SCAPER: variants seen among roughly 807,000 people sequenced by gnomAD.
SCAPER encodes the protein S phase cyclin A-associated protein in the endoplasmic reticulum.
In SCAPER, 98 loss-of-function variants were observed where a neutral mutation model predicts 182.2. The observed-to-expected ratio is 0.54, with a 90% CI of 0.46 to 0.64. SCAPER has a LOEUF of 0.64. Among genes scored for constraint, SCAPER ranks in the 30% least tolerant of loss-of-function variants. The pLI, the probability that SCAPER is intolerant of heterozygous loss-of-function variation, is 0.00. For synonymous variants in SCAPER, 605 were observed against 564.6 expected (o/e 1.07, Z -1.01); for missense variants, 1,432 against 1,690.0 (o/e 0.85, Z 2.68).
chr15:76,445,662 T>C (rs2047947350), intron 25 of SCAPER, among the ~76,000 whole-genome samples: 1 of 152,094 alleles, frequency 6.6e-6, no homozygotes, highest in South Asian at 2.1e-4. Flanking sequence ...CATGAGGGGA[T>C]GGGATAGGGC....
chr15:76,371,849 C>T (rs761082095), intron 29 of SCAPER, among the ~76,000 whole-genome samples: 120 of 151,760 alleles, frequency 7.9e-4, no homozygotes, highest in Middle Eastern at 3.4e-3. Flanking sequence ...ACCCAGGAGG[C>T]GGAGGTTGTG....
chr15:76,834,560 G>A (rs2068770342), intron 5 of SCAPER, among the ~76,000 whole-genome samples: 1 of 152,192 alleles, frequency 6.6e-6, no homozygotes, highest in Non-Finnish European at 1.5e-5. Flanking sequence ...TAATAAGGAA[G>A]AGCTGAACTG....
intron 25 of SCAPER, among the ~76,000 whole-genome samples, chr15:76,448,487 A>AT (rs1233232368): frequency 2.0e-4 from 31 of 152,150 alleles, no homozygotes. Flanking sequence ...AGTTCTGGGC[A>AT]TGCTAAGTTT....
chr15:76,608,422 C>A (rs1237461913), intron 22 of SCAPER, among the ~76,000 whole-genome samples: 2 of 152,200 alleles, frequency 1.3e-5, no homozygotes, highest in African/African-American at 2.4e-5. Context: ...TGTCAATCTG[C>A]CCCTACTGGG....
At chr15:76,472,123 A>T in intron 24 of SCAPER, 1 of 369,866 alleles carries the variant, frequency 2.7e-6, no homozygotes. Flanking sequence ...GCTGAAGGGG[A>T]TGCTACAGGC....
At chr15:76,472,316 T>C (rs2050250382) in intron 24 of SCAPER, 1 of 670,838 alleles carries the variant, frequency 1.5e-6, no homozygotes, top group Non-Finnish European at 2.8e-6. Context: ...AAAATGAAGA[T>C]GCCAAAACAG....
chr15:76,861,860 G>C (rs1043921074), intron 3 of SCAPER: 8 of 152,218 alleles, frequency 5.3e-5, no homozygotes, highest in African/African-American at 1.9e-4. Flanking sequence ...AGCATGGCTG[G>C]GGAGGCCTCA....
intron 20 of SCAPER, among the ~76,000 whole-genome samples, chr15:76,667,735 T>A (rs997971702): frequency 1.3e-5 from 2 of 149,422 alleles, no homozygotes; most frequent in African/African-American, 4.9e-5. Flanking sequence ...GGAGGATCAC[T>A]TGAGGGCAAG....
chr15:76,492,639 G>C (rs1389077560), intron 24 of SCAPER, among the ~76,000 whole-genome samples: 1 of 152,160 alleles, frequency 6.6e-6, no homozygotes, highest in Admixed American at 6.5e-5. Flanking sequence ...GATAAAACTA[G>C]AAGATATTAA....
At chr15:76,799,996 T>C (rs1336837780) in intron 7 of SCAPER, among the ~76,000 whole-genome samples, 1 of 151,516 alleles carries the variant, frequency 6.6e-6, no homozygotes, top group Admixed American at 6.6e-5. Flanking sequence ...ACTCCTCCAG[T>C]GGCAACAGGG....
At chr15:76,505,329 T>G (rs1373549487) in intron 23 of SCAPER, among the ~76,000 whole-genome samples, 1 of 151,828 alleles carries the variant, frequency 6.6e-6, no homozygotes, top group Non-Finnish European at 1.5e-5. Context: ...TGGGAGAAAA[T>G]ATTTACAAAC....
chr15:76,765,000 G>T lies in SCAPER; in HGVS notation c.1686C>A (p.Arg562=). The change falls in exon 14 of 32, where the codon CGC becomes CGA. Residue 562 remains arginine (R), a synonymous_variant. Transcript: ENST00000563290. ...TCTGAAGCTTCAATGTTTTCTCTTCGCGTAACTTTTCCCTTAGCTGCTGTG... is the reference window on the plus strand; with the variant it reads ...TCTGAAGCTTCAATGTTTTCTCTTCTCGTAACTTTTCCCTTAGCTGCTGTG... The part of the protein sequence containing the change: ...MKAQQLREKL[R]EEKTLKLQKL... The T allele has an allele frequency of 6.2e-7, 1 of 1,601,958 alleles. No homozygotes were observed. The highest frequency in any genetic ancestry group is 8.5e-7 in the Non-Finnish European group (1 of 1,174,584).
intron 21 of SCAPER, among the ~76,000 whole-genome samples, chr15:76,641,004 C>T (rs752880895): frequency 7.2e-5 from 11 of 152,210 alleles, no homozygotes; most frequent in South Asian, 4.1e-4. Flanking sequence ...GCATGAGGGG[C>T]GCCTGTCCAT....
At chr15:76,461,962 T>C (rs1282922900) in intron 25 of SCAPER, among the ~76,000 whole-genome samples, 1 of 152,244 alleles carries the variant, frequency 6.6e-6, no homozygotes, top group African/African-American at 2.4e-5. Flanking sequence ...AGCTGAGTTA[T>C]ACGGAGTTGT....
intron 23 of SCAPER, among the ~76,000 whole-genome samples, chr15:76,533,202 T>C (rs973705460): frequency 1.6e-4 from 25 of 152,098 alleles, no homozygotes; most frequent in Non-Finnish European, 1.5e-5. Flanking sequence ...GAAGAGGAAA[T>C]GGCAGGTAGG....
At chr15:76,432,185 G>A (rs190496968) in intron 26 of SCAPER, among the ~76,000 whole-genome samples, 114 of 152,306 alleles carry the variant, frequency 7.5e-4, no homozygotes, top group African/African-American at 2.1e-3. Context: ...AATGACATTC[G>A]TCAGCAGAGA....
At chr15:76,399,675 C>T (rs1389294059) in intron 27 of SCAPER, among the ~76,000 whole-genome samples, 3 of 152,170 alleles carry the variant, frequency 2.0e-5, no homozygotes, top group Admixed American at 2.0e-4. Flanking sequence ...ACTAACAGCA[C>T]AAATTCTGAC....
At chr15:76,828,631 A>G (rs891371723) in intron 5 of SCAPER, among the ~76,000 whole-genome samples, 1 of 152,230 alleles carries the variant, frequency 6.6e-6, no homozygotes, top group Non-Finnish European at 1.5e-5. Context: ...GAAGACTACA[A>G]TGCATGAAAC....
At chr15:76,559,734 A>C (rs996918491) in intron 23 of SCAPER, among the ~76,000 whole-genome samples, 1 of 152,160 alleles carries the variant, frequency 6.6e-6, no homozygotes, top group Admixed American at 6.5e-5. Flanking sequence ...ACCAAGGCCT[A>C]CCTGAGGGTG....
Sources: gnomAD v4.1 joint callset for allele counts (sites outside exome capture counted in the v4.1 genomes callset) on GRCh38, gnomAD v4.1.1 for gene constraint, MANE v1.5 for transcripts, NCBI Gene and HGNC (gene_info 2026-07-23, HGNC 2026-07-21) for gene names.